PEAK1: variants seen among roughly 807,000 people sequenced by gnomAD.
The protein encoded by PEAK1 is inactive tyrosine-protein kinase PEAK1.
In PEAK1, 54 loss-of-function variants were observed where a neutral mutation model predicts 124.7. The ratio of observed to expected loss-of-function variants is 0.43; its 90% CI spans 0.35 to 0.54. The LOEUF (loss-of-function observed/expected upper bound fraction) is 0.54. Among genes scored for constraint, PEAK1 ranks in the 20% least tolerant of loss-of-function variants. The pLI, the probability that PEAK1 is intolerant of heterozygous loss-of-function variation, is 0.01. For synonymous variants in PEAK1, 719 were observed against 760.0 expected (o/e 0.95, Z 0.89); for missense variants, 2,046 against 2,134.5 (o/e 0.96, Z 0.82).
At chr15:77,215,758 G>A (rs1006593325) in intron 6 of PEAK1, among the ~76,000 whole-genome samples, 1 of 152,008 alleles carries the variant, frequency 6.6e-6, no homozygotes, top group African/African-American at 2.4e-5. Context: ...TTTTGAGATG[G>A]AGTCTCGTTA....
intron 1 of PEAK1, among the ~76,000 whole-genome samples, chr15:77,406,745 C>G (rs113903856): frequency 1.5e-4 from 23 of 152,196 alleles, no homozygotes; most frequent in Non-Finnish European, 2.8e-4. Flanking sequence ...CATCAAAATA[C>G]CACCATCATT....
intron 5 of PEAK1, among the ~76,000 whole-genome samples, chr15:77,274,200 CT>C (rs2062186413): frequency 6.6e-6 from 1 of 152,120 alleles, no homozygotes; most frequent in African/African-American, 2.4e-5. Context: ...GAAAAGCCTT[CT>C]AGACACTGGC....
intron 7 of PEAK1, among the ~76,000 whole-genome samples, chr15:77,172,632 A>G (rs933908925): frequency 1.3e-5 from 2 of 152,130 alleles, no homozygotes; most frequent in African/African-American, 4.8e-5. Context: ...TTTCACAAGT[A>G]TTTTTCTTTG....
chr15:77,126,979 A>G (rs550178205), intron 9 of PEAK1, among the ~76,000 whole-genome samples: 1 of 152,376 alleles, frequency 6.6e-6, no homozygotes, highest in African/African-American at 2.4e-5. Context: ...CAACCTCTTC[A>G]TATGTTGAAG....
At chr15:77,291,367 C>T (rs1015064052) in intron 2 of PEAK1, among the ~76,000 whole-genome samples, 2 of 152,112 alleles carry the variant, frequency 1.3e-5, no homozygotes, top group Admixed American at 6.5e-5. Flanking sequence ...CACTAGTCTT[C>T]GATTATGAAA....
chr15:77,291,882 CAGG>C (rs2063230591), intron 2 of PEAK1, among the ~76,000 whole-genome samples: 1 of 149,486 alleles, frequency 6.7e-6, no homozygotes, highest in African/African-American at 2.5e-5. Context: ...GAGGCTGAGG[CAGG>C]AGAATGGCGT....
At chr15:77,352,936 G>A (rs2067295045) in intron 2 of PEAK1, 1 of 985,230 alleles carries the variant, frequency 1.0e-6, no homozygotes, top group Non-Finnish European at 1.2e-6. Context: ...CTAATGTATT[G>A]TACTGCTCTT....
chr15:77,160,366 T>G (rs1443623140), intron 7 of PEAK1, among the ~76,000 whole-genome samples: 1 of 152,160 alleles, frequency 6.6e-6, no homozygotes, highest in Non-Finnish European at 1.5e-5. Flanking sequence ...AAGCAATAAA[T>G]ATAAAGTCCC....
chr15:77,352,420 A>T (rs574987198), intron 2 of PEAK1: 110 of 985,224 alleles, frequency 1.1e-4, no homozygotes, highest in Non-Finnish European at 1.2e-4. Context: ...GTCCTCATTC[A>T]GATACACGCA....
chr15:77,360,611 C>T (rs1032672173), intron 2 of PEAK1, among the ~76,000 whole-genome samples: 1 of 152,006 alleles, frequency 6.6e-6, no homozygotes, highest in African/African-American at 2.4e-5. Flanking sequence ...TGACACTCAC[C>T]TATACAGAGG....
intron 9 of PEAK1, among the ~76,000 whole-genome samples, chr15:77,131,165 C>A (rs2052823453): frequency 6.6e-6 from 1 of 152,178 alleles, no homozygotes; most frequent in Non-Finnish European, 1.5e-5. Flanking sequence ...GCACAATGGA[C>A]AAAATACAGC....
chr15:77,337,892 C>T, intron 2 of PEAK1: 1 of 985,148 alleles, frequency 1.0e-6, no homozygotes, highest in Non-Finnish European at 1.2e-6. Flanking sequence ...TTAGTCTGTT[C>T]TCATTAAATT....
chr15:77,227,121 T>C (rs12908767), intron 6 of PEAK1, among the ~76,000 whole-genome samples: 1 of 152,180 alleles, frequency 6.6e-6, no homozygotes, highest in East Asian at 1.9e-4. Context: ...TCTGAAACAG[T>C]TCAGGTACTT....
intron 1 of PEAK1, among the ~76,000 whole-genome samples, chr15:77,398,742 T>C: frequency 1.3e-5 from 2 of 152,214 alleles, no homozygotes; most frequent in South Asian, 4.1e-4. Flanking sequence ...TTATTCAAAA[T>C]AATACTGGAA....
At chr15:77,173,174 G>GTT (rs1464477723) in intron 7 of PEAK1, among the ~76,000 whole-genome samples, 1 of 152,110 alleles carries the variant, frequency 6.6e-6, no homozygotes, top group African/African-American at 2.4e-5. Flanking sequence ...AACCACTGTT[G>GTT]TTTATGCACC....
chr15:77,332,011 C>A (rs181383236), intron 2 of PEAK1: 2 of 186,950 alleles, frequency 1.1e-5, no homozygotes, highest in African/African-American at 2.4e-5. Context: ...CTGAGCCGGG[C>A]GGATCACTTG....
chr15:77,290,901 A>C (rs1481165054), intron 2 of PEAK1, among the ~76,000 whole-genome samples: 1 of 152,166 alleles, frequency 6.6e-6, no homozygotes. Context: ...AGCACAAATA[A>C]ATCAGCCACC....
intron 1 of PEAK1, among the ~76,000 whole-genome samples, chr15:77,373,158 C>T (rs369249719): frequency 6.6e-6 from 1 of 152,142 alleles, no homozygotes; most frequent in Non-Finnish European, 1.5e-5. Context: ...AAACTTCATC[C>T]TCTCCTGCTC....
At chr15:77,267,786 T>A (rs1442968859) in intron 5 of PEAK1, among the ~76,000 whole-genome samples, 6 of 151,996 alleles carry the variant, frequency 3.9e-5, no homozygotes. Context: ...ACAATTCTGA[T>A]AATAGACAAA....
Sources: allele counts gnomAD v4.1 joint callset (sites outside exome capture counted in the v4.1 genomes callset), GRCh38; gene constraint gnomAD v4.1.1; transcripts MANE v1.5; gene names NCBI Gene and HGNC (gene_info 2026-07-23, HGNC 2026-07-21).